CNIH4: variants seen among roughly 807,000 people sequenced by gnomAD.
The protein encoded by CNIH4 is cornichon family member 4, also known as protein cornichon homolog 4.
CNIH4 carries 9 observed loss-of-function variants against 21.5 expected under a neutral mutation model. That is an observed-to-expected ratio of 0.42 (90% confidence interval 0.25 to 0.73). The LOEUF is 0.73. Ranked by LOEUF, CNIH4 falls within the 30% of genes least tolerant of loss-of-function variation. CNIH4 has a pLI of 0.27. For missense variants in CNIH4, 159 were observed against 170.0 expected (o/e 0.94, Z 0.36); for synonymous variants, 67 against 59.1 (o/e 1.13, Z -0.61).
intron 1 of CNIH4, among the ~76,000 whole-genome samples, chr1:224,359,041 C>T (rs891833231): frequency 5.9e-5 from 9 of 152,028 alleles, no homozygotes; most frequent in African/African-American, 2.2e-4. Context: ...CTGGCAAGAG[C>T]GAAGGTGCAG....
intron 3 of CNIH4, among the ~76,000 whole-genome samples, chr1:224,367,639 A>G (rs998185212): frequency 1.3e-5 from 2 of 151,856 alleles, no homozygotes; most frequent in Non-Finnish European, 2.9e-5. Flanking sequence ...GGCTGAAGCG[A>G]TCTTCCCACC....
chr1:224,376,557 T>C lies in CNIH4; in HGVS notation c.*735T>C. On this transcript the variant is annotated 3_prime_UTR_variant, in exon 5 of 5. Transcript: ENST00000465271. ...GGTTTTCGTATTGCAGTTATTCCAA[T>C]TGTATTTGATCTCCCTGATAACGTA... 1 of 985,414 alleles carries C rather than the reference T, an allele frequency of 1.0e-6. No individual in the cohort carries two copies. The highest frequency in any genetic ancestry group is 1.1e-4 in the East Asian group (1 of 8,812). The allele number at this position is 985,414 out of a possible 1,614,324, so 61.0% of individuals were successfully genotyped here. A position where few individuals can be genotyped will look rare whatever the true frequency, so the allele number is the denominator to read the frequency against.
At chr1:224,360,103 T>C (rs1411611437) in intron 1 of CNIH4, among the ~76,000 whole-genome samples, 6 of 152,062 alleles carry the variant, frequency 3.9e-5, no homozygotes, top group Admixed American at 3.9e-4. Context: ...GCCACTGCAC[T>C]ACAGCCTGGG....
At chr1:224,357,812 G>C (rs1475226000) in intron 1 of CNIH4, among the ~76,000 whole-genome samples, 1 of 152,156 alleles carries the variant, frequency 6.6e-6, no homozygotes, top group African/African-American at 2.4e-5. Context: ...AATAAATGGT[G>C]GTTGAATTTA....
At chr1:224,362,087 T>TTC in intron 2 of CNIH4, among the ~76,000 whole-genome samples, 1 of 149,520 alleles carries the variant, frequency 6.7e-6, no homozygotes, top group Middle Eastern at 3.5e-3. Context: ...ACCATGCCAT[T>TTC]TTTTTTTTTT....
At chr1:224,357,850 C>T (rs943981549) in intron 1 of CNIH4, among the ~76,000 whole-genome samples, 3 of 152,244 alleles carry the variant, frequency 2.0e-5, no homozygotes, top group Non-Finnish European at 4.4e-5. Context: ...TCGGCTACAA[C>T]TCTTCCCATC....
Position 224,371,394 on chromosome 1 carries a change from C to T in CNIH4, c.363C>T (p.His121=), listed in dbSNP as rs1362775552. 1.2e-6 allele frequency: 2 copies of T among 1,613,976 alleles called. No homozygotes were observed. The highest frequency in any genetic ancestry group is 8.5e-7 in the Non-Finnish European group (1 of 1,179,998). Residue 121 remains histidine (H), a synonymous_variant, in exon 4 of 5, where the codon CAC becomes CAT. Coordinates refer to ENST00000465271, the MANE Select transcript of CNIH4 (RefSeq NM_014184.4). ...MKEAMIKLGF[H]LLCFFMYLYS... is the part of the protein sequence containing the mutation. ...AAGCCATGATCAAGCTTGGTTTCCA[C>T]TTGCTCTGCTTCTTCATGTATCTTT... is the stretch of plus-strand genomic sequence containing the variant.
chr1:224,362,558 C>T (rs1196578317), intron 2 of CNIH4, among the ~76,000 whole-genome samples: 2 of 141,550 alleles, frequency 1.4e-5, no homozygotes, highest in Non-Finnish European at 1.5e-5. Context: ...GGCGTGATCT[C>T]AGCTCACTGC....
intron 3 of CNIH4, among the ~76,000 whole-genome samples, chr1:224,367,117 C>T (rs150218627): frequency 1.6e-3 from 236 of 152,128 alleles, no homozygotes; most frequent in South Asian, 3.7e-3. Flanking sequence ...TTGTGAAGAC[C>T]GCTGGGATAA....
At chr1:224,361,635 T>A (rs1354294340) in intron 2 of CNIH4, among the ~76,000 whole-genome samples, 5 of 152,060 alleles carry the variant, frequency 3.3e-5, no homozygotes, top group Non-Finnish European at 5.9e-5. Context: ...CAGGCTGGAG[T>A]GCAGTGATGC....
Position 224,376,989 on chromosome 1 carries a change from A to G in CNIH4, c.*1167A>G. ...AAAGGCATTATTCACTCTAGTTGAG[A>G]TAGAATTGGGTGGCTAAACAGGGTG... On this transcript the variant is annotated 3_prime_UTR_variant, in exon 5 of 5. Transcript: ENST00000465271. 1 of 888,236 alleles carries G rather than the reference A, an allele frequency of 1.1e-6. No homozygotes were observed. The highest frequency in any genetic ancestry group is 1.3e-6 in the Non-Finnish European group (1 of 741,342). 55.0% of individuals were successfully genotyped at this position (888,236 alleles called of 1,614,324 possible).
intron 2 of CNIH4, chr1:224,364,417 C>T (rs1304325838): frequency 1.0e-6 from 1 of 962,498 alleles, no homozygotes; most frequent in African/African-American, 1.8e-5. Context: ...ATGTGGCTTA[C>T]ATGTTATTTC....
intron 4 of CNIH4, among the ~76,000 whole-genome samples, chr1:224,374,964 T>C (rs781105525): frequency 8.5e-5 from 13 of 152,230 alleles, no homozygotes; most frequent in Non-Finnish European, 1.8e-4. Flanking sequence ...TTGTGTATTT[T>C]AGGCATTTCA....
intron 2 of CNIH4, chr1:224,364,241 G>C: frequency 1.1e-6 from 1 of 880,942 alleles, no homozygotes; most frequent in Non-Finnish European, 1.4e-6. Context: ...AAAACAAGAG[G>C]AAAAAAAAAA....
In CNIH4 at chr1:224,365,962, C is replaced by T. The variant is rs776572379; in HGVS notation, c.222C>T (p.Asn74=). Reference sequence around the variant, plus strand: ...TGCACTGGTTCATCTTCCTTCTCAACTTACCTGTTGCCACTTGGAATATAT... The same window carrying T: ...TGCACTGGTTCATCTTCCTTCTCAATTTACCTGTTGCCACTTGGAATATAT... The part of the protein sequence containing the change: ...MSLHWFIFLL[N]LPVATWNIYR... Residue 74 remains asparagine (N), a synonymous_variant, in exon 3 of 5, where the codon AAC becomes AAT. Transcript: ENST00000465271. The T allele has an allele frequency of 1.2e-6, 2 of 1,608,180 alleles. No homozygotes were observed. Among genetic ancestry groups the T allele is most frequent in the African/African-American group, 2.7e-5 (2 of 74,932 alleles).
chr1:224,366,880 G>A (rs965151560), intron 3 of CNIH4, among the ~76,000 whole-genome samples: 6 of 151,862 alleles, frequency 4.0e-5, no homozygotes, highest in African/African-American at 1.4e-4. Flanking sequence ...GGAGAATGGC[G>A]TGAAGCCGGG....
intron 3 of CNIH4, among the ~76,000 whole-genome samples, chr1:224,367,409 CTGAG>C (rs1460474779): frequency 6.6e-6 from 1 of 152,068 alleles, no homozygotes; most frequent in East Asian, 1.9e-4. Flanking sequence ...AAACTAGAAT[CTGAG>C]TGAGGGAAAA....
At chr1:224,357,871 G>A (rs750690440) in intron 1 of CNIH4, among the ~76,000 whole-genome samples, 12 of 152,210 alleles carry the variant, frequency 7.9e-5, no homozygotes, top group Non-Finnish European at 1.3e-4. Context: ...TCTTGACAAA[G>A]CATCTAGGCT....
Position 224,362,968 on chromosome 1 carries a change from C to G in CNIH4, c.138+2405C>G, listed in dbSNP as rs375800612. On this transcript the variant is annotated intron_variant, in intron 2 of 4. Transcript: ENST00000465271. ...ATTGATCTGCCAATTTTTCCTTTTT[C>G]TTAGTTTTATCTCTTTGATTTTTTT... is the stretch of plus-strand genomic sequence containing the variant. Among the ~76,000 whole-genome samples, 4 of 151,976 alleles carry G rather than the reference C, an allele frequency of 2.6e-5. No individual in the cohort carries two copies. The East Asian group carries it at 5.8e-4, about 22-fold the overall frequency.
Sources: gnomAD v4.1 joint callset for allele counts (sites outside exome capture counted in the v4.1 genomes callset) on GRCh38, gnomAD v4.1.1 for gene constraint, MANE v1.5 for transcripts, NCBI Gene and HGNC (gene_info 2026-07-23, HGNC 2026-07-21) for gene names.